The following TDRD3 variants were observed in gnomAD, a reference collection of about 807,000 sequenced individuals.
TDRD3 encodes the protein tudor domain-containing protein 3.
TDRD3 carries 45 observed loss-of-function variants against 86.7 expected under a neutral mutation model. The ratio of observed to expected loss-of-function variants is 0.52; its 90% CI spans 0.41 to 0.67. TDRD3 has a LOEUF of 0.67. Ranked by LOEUF, TDRD3 falls within the 30% of genes least tolerant of loss-of-function variation. TDRD3 has a pLI of 0.00. For synonymous variants in TDRD3, 298 were observed against 301.7 expected, an observed-to-expected ratio of 0.99 and a Z score of 0.13; for missense variants, 814 against 889.0, an observed-to-expected ratio of 0.92 and a Z score of 1.07.
chr13:60,470,116 G>T (rs2138094023), intron 5 of TDRD3, among the ~76,000 whole-genome samples: 1 of 152,246 alleles, frequency 6.6e-6, no homozygotes, highest in East Asian at 1.9e-4. Flanking sequence ...TAACTCATAT[G>T]TGTGGAATCA....
chr13:60,419,350 T>A (rs1954601442), intron 1 of TDRD3, among the ~76,000 whole-genome samples: 1 of 152,184 alleles, frequency 6.6e-6, no homozygotes, highest in South Asian at 2.1e-4. Flanking sequence ...ATAAAGTATC[T>A]ATTTGAGTCT....
intron 8 of TDRD3, among the ~76,000 whole-genome samples, chr13:60,503,586 C>G (rs1186546947): frequency 6.6e-6 from 1 of 152,156 alleles, no homozygotes; most frequent in African/African-American, 2.4e-5. Context: ...TCCTGTTTAT[C>G]TCTTCTCTGG....
chr13:60,397,185 G>C, upstream of TDRD3: 1 of 410,454 alleles, frequency 2.4e-6, no homozygotes, highest in Non-Finnish European at 4.3e-6. Flanking sequence ...CAGAAAACGC[G>C]GCGAGCGGAA....
chr13:60,525,836 A>T (rs1957417823), intron 10 of TDRD3, among the ~76,000 whole-genome samples: 1 of 152,230 alleles, frequency 6.6e-6, no homozygotes, highest in South Asian at 2.1e-4. Context: ...AATAATAAAA[A>T]ATCAGAAATT....
chr13:60,402,838 G>A (rs1000191196), intron 1 of TDRD3, among the ~76,000 whole-genome samples: 4 of 151,892 alleles, frequency 2.6e-5, no homozygotes, highest in Non-Finnish European at 5.9e-5. Context: ...ACAGGCATGC[G>A]CCACCACGCC....
At chr13:60,466,535 C>T (rs1304427555) in intron 4 of TDRD3, among the ~76,000 whole-genome samples, 1 of 151,940 alleles carries the variant, frequency 6.6e-6, no homozygotes, top group Non-Finnish European at 1.5e-5. Context: ...CGCATATAAT[C>T]CTAGCACTTT....
intron 11 of TDRD3, among the ~76,000 whole-genome samples, 169 bp downstream of exon 11, chr13:60,529,386 A>G (rs944454416): frequency 6.6e-6 from 1 of 152,168 alleles, no homozygotes; most frequent in Admixed American, 6.5e-5. Context: ...AATATTTAAT[A>G]TTTTTATGGA....
At chr13:60,568,329 C>A (rs1282513235) in intron 13 of TDRD3, among the ~76,000 whole-genome samples, 2 of 152,182 alleles carry the variant, frequency 1.3e-5, no homozygotes, top group East Asian at 3.9e-4. Flanking sequence ...GTCCCTAATG[C>A]AAGGTCATCA....
In TDRD3 at chr13:60,573,707, G is replaced by A; in HGVS notation, c.*101G>A. ...CTTTCTCTTCAGAATAAGTAGCTGT[G>A]GTGGATATTATTATTTGAAGAAAGA... is the stretch of plus-strand genomic sequence containing the variant. On this transcript the variant is annotated 3_prime_UTR_variant, in exon 14 of 14. Transcript: ENST00000377881. The A allele has an allele frequency of 1.1e-6, 1 of 937,034 alleles. No individual in the cohort carries two copies. 58.0% of individuals were successfully genotyped at this position (937,034 alleles called of 1,614,324 possible). A position where few individuals can be genotyped will look rare whatever the true frequency, so the allele number is the denominator to read the frequency against.
At chr13:60,429,952 C>G (rs572080112) in intron 1 of TDRD3, among the ~76,000 whole-genome samples, 1 of 152,264 alleles carries the variant, frequency 6.6e-6, no homozygotes, top group Non-Finnish European at 1.5e-5. Flanking sequence ...ACTTATTTAG[C>G]ACCTACTGTA....
At chr13:60,409,220 C>G (rs747623255) in intron 1 of TDRD3, among the ~76,000 whole-genome samples, 1 of 152,218 alleles carries the variant, frequency 6.6e-6, no homozygotes, top group Non-Finnish European at 1.5e-5. Context: ...GATGCCCAGG[C>G]AAAAGTTTGC....
chr13:60,463,362 CAAAAAAAAA>C (rs57195209), intron 4 of TDRD3, among the ~76,000 whole-genome samples: 2 of 81,518 alleles, frequency 2.5e-5, no homozygotes, highest in African/African-American at 1.2e-4. Context: ...AATTCTGGCT[CAAAAAAAAA>C]AAAAAAAAAA....
intron 13 of TDRD3, among the ~76,000 whole-genome samples, chr13:60,570,530 C>T (rs1354696681): frequency 1.3e-5 from 2 of 152,182 alleles, no homozygotes; most frequent in Non-Finnish European, 2.9e-5. Context: ...AATAGAACCA[C>T]CATATGATCC....
At chr13:60,472,428 A>C (rs1372403154) in intron 5 of TDRD3, among the ~76,000 whole-genome samples, 4 of 152,238 alleles carry the variant, frequency 2.6e-5, no homozygotes, top group Admixed American at 2.6e-4. Context: ...AATCAAATAC[A>C]GCGAGATATA....
chr13:60,465,292 C>T lies in TDRD3; in HGVS notation c.354-1946C>T, dbSNP rs568512807. On this transcript the variant is annotated intron_variant, in intron 4 of 13. Coordinates refer to ENST00000377881, the MANE Select transcript of TDRD3 (RefSeq NM_001146070.2). ...TCCTTGGTGCTTATTTTTATTTATC[C>T]TTGTACAATGACTGTCAGAGTTATG... Among the ~76,000 whole-genome samples the T allele has an allele frequency of 3.4e-4, 51 of 152,178 alleles. No individual in the cohort carries two copies. In the South Asian group the frequency reaches 0.01, roughly 31 times the overall value.
chr13:60,404,856 G>A (rs1398313179), intron 1 of TDRD3, among the ~76,000 whole-genome samples: 1 of 152,188 alleles, frequency 6.6e-6, no homozygotes, highest in Admixed American at 6.5e-5. Flanking sequence ...CACATGTTGT[G>A]GGAAGGACCT....
At chr13:60,561,101 C>T (rs1958321994) in intron 12 of TDRD3, among the ~76,000 whole-genome samples, 3 of 152,002 alleles carry the variant, frequency 2.0e-5, no homozygotes, top group Admixed American at 6.6e-5. Context: ...CTTCAGAAAC[C>T]AAGATAATCT....
At chr13:60,567,812 C>T (rs1203257654) in intron 13 of TDRD3, among the ~76,000 whole-genome samples, 162 bp downstream of exon 13, 1 of 152,056 alleles carries the variant, frequency 6.6e-6, no homozygotes, top group East Asian at 1.9e-4. Context: ...TAACTTCTGC[C>T]TCCCAGGTTC....
intron 1 of TDRD3, among the ~76,000 whole-genome samples, chr13:60,436,667 T>G (rs1447307330): frequency 6.6e-6 from 1 of 152,214 alleles, no homozygotes; most frequent in East Asian, 1.9e-4. Flanking sequence ...TTTTGGTAAC[T>G]ATAGCCTTGT....
Sources: gnomAD v4.1 joint callset for allele counts (sites outside exome capture counted in the v4.1 genomes callset) on GRCh38, gnomAD v4.1.1 for gene constraint, MANE v1.5 for transcripts, NCBI Gene and HGNC (gene_info 2026-07-23, HGNC 2026-07-21) for gene names.